The following TENM2 variants were observed in gnomAD, a reference collection of about 807,000 sequenced individuals.
The protein encoded by TENM2 is teneurin-2.
A neutral mutation model predicts 245.2 loss-of-function variants in TENM2; 52 were observed. The ratio of observed to expected loss-of-function variants is 0.21; its 90% CI spans 0.17 to 0.27. TENM2 has a LOEUF of 0.27. Ranked by LOEUF, TENM2 falls within the 10% of genes least tolerant of loss-of-function variation. TENM2 has a pLI of 1.00. For missense variants in TENM2, 3,046 were observed against 3,666.8 expected (o/e 0.83, Z 4.37); for synonymous variants, 1,363 against 1,438.9 (o/e 0.95, Z 1.19).
intron 13 of TENM2, among the ~76,000 whole-genome samples, chr5:168,164,017 CA>C (rs1195314735): frequency 1.3e-5 from 2 of 152,116 alleles, no homozygotes; most frequent in Non-Finnish European, 2.9e-5. Context: ...GTATGAGGAG[CA>C]TGAGAATTTC....
chr5:168,115,492 CT>C (rs1795017857), intron 9 of TENM2, among the ~76,000 whole-genome samples: 1 of 151,674 alleles, frequency 6.6e-6, no homozygotes, highest in African/African-American at 2.4e-5. Context: ...AATTTTGCAC[CT>C]TACTTTCTAC....
rs568031700 is a variant in TENM2 at position 167,475,833 on chromosome 5, C to A, written c.502+100360C>A. On this transcript the variant is annotated intron_variant, in intron 2 of 28. Transcript: ENST00000518659. ...TCCCTGCAAAGGACATGAACTCATT[C>A]TTTGTTATGGCTGCATGGTATTCTA... 2.0e-5 allele frequency among the ~76,000 whole-genome samples: 3 copies of A among 152,046 alleles called. No individual in the cohort carries two copies. The South Asian group carries it at 6.2e-4, about 32-fold the overall frequency.
At chr5:167,386,978 C>G (rs976394506) in intron 2 of TENM2, among the ~76,000 whole-genome samples, 1 of 151,948 alleles carries the variant, frequency 6.6e-6, no homozygotes, top group African/African-American at 2.4e-5. Context: ...TTTGGTCTTG[C>G]TTTGGCTATG....
Position 168,244,481 on chromosome 5 carries a change from A to G in TENM2, c.5582A>G (p.Tyr1861Cys), listed in dbSNP as rs763079851. The G allele has an allele frequency of 2.5e-6, 4 of 1,605,476 alleles. No homozygotes were observed. The highest frequency in any genetic ancestry group is 2.6e-6 in the Non-Finnish European group (3 of 1,174,554). Residue 1861 changes from tyrosine to cysteine, a missense_variant, in exon 26 of 29, where the codon TAT (tyrosine) becomes TGT (cysteine). Tyr to Cys is a radical substitution (Grantham distance 194). Coordinates refer to ENST00000518659, the Ensembl canonical transcript of TENM2. This position sits in a 1 kb window ranked among gnomAD's most constrained non-coding sequence, Gnocchi z 4.9. ...CGAAATATTCGGACTGAAAAGATCT[A>G]TGATGACCACCGGAAGTTCACCCTG...
chr5:168,030,251 C>G (rs1787020415), intron 5 of TENM2, among the ~76,000 whole-genome samples: 1 of 145,444 alleles, frequency 6.9e-6, no homozygotes, highest in South Asian at 2.3e-4. Context: ...GCTTCTGACA[C>G]ACTACCTGTA....
At chr5:167,705,606 T>C (rs1236438433) in intron 2 of TENM2, among the ~76,000 whole-genome samples, 1 of 152,158 alleles carries the variant, frequency 6.6e-6, no homozygotes. Flanking sequence ...AGGATTATCA[T>C]AACACTCAAT....
At chr5:167,746,829 T>TGTGTGTGTGC (rs1386758060) in intron 2 of TENM2, among the ~76,000 whole-genome samples, 1 of 151,960 alleles carries the variant, frequency 6.6e-6, no homozygotes, top group Non-Finnish European at 1.5e-5. Flanking sequence ...TGTGCGTCTA[T>TGTGTGTGTGC]GTGTGTGTGC....
At chr5:167,772,654 A>G (rs1240415490) in intron 2 of TENM2, among the ~76,000 whole-genome samples, 1 of 152,146 alleles carries the variant, frequency 6.6e-6, no homozygotes, top group Non-Finnish European at 1.5e-5. Context: ...TTATAATACA[A>G]AAAGCACCCT....
chr5:167,034,438 G>C, the TENM2 span, among the ~76,000 whole-genome samples: 1 of 152,094 alleles, frequency 6.6e-6, no homozygotes, highest in African/African-American at 2.4e-5. Context: ...AGACCATCCC[G>C]GCTAAAACGG....
intron 2 of TENM2, among the ~76,000 whole-genome samples, chr5:167,421,824 C>T (rs1402971587): frequency 6.6e-6 from 1 of 151,968 alleles, no homozygotes; most frequent in Non-Finnish European, 1.5e-5. Context: ...ATGGAGTCTC[C>T]CTCTGTCGCC....
At chr5:167,682,498 T>C (rs1756799158) in intron 2 of TENM2, among the ~76,000 whole-genome samples, 1 of 152,124 alleles carries the variant, frequency 6.6e-6, no homozygotes, top group Non-Finnish European at 1.5e-5. Flanking sequence ...TTGTTATGGA[T>C]GCAATACTCT....
the TENM2 span, among the ~76,000 whole-genome samples, chr5:167,025,675 T>C: frequency 6.6e-6 from 1 of 152,144 alleles, no homozygotes; most frequent in Non-Finnish European, 1.5e-5. Flanking sequence ...CACCTTGAGT[T>C]TTATAGACAG....
In TENM2 at chr5:167,832,113, G is replaced by A. The variant is rs80074856; in HGVS notation, c.503-43873G>A. On this transcript the variant is annotated intron_variant, in intron 2 of 28. Coordinates refer to ENST00000518659, the Ensembl canonical transcript of TENM2. ...GACCAAATCCAATAACTAACTGTTT[G>A]TCAGGGCAGTAATAATGGTATTTGT... Among the ~76,000 whole-genome samples, 221 of 152,276 alleles carry A rather than the reference G, an allele frequency of 1.5e-3. 2 individuals carry two copies. The East Asian group carries it at 0.039, about 27-fold the overall frequency.
rs558843561 is a variant in TENM2 at position 167,400,836 on chromosome 5, A to T, written c.502+25363A>T. 2.0e-5 allele frequency among the ~76,000 whole-genome samples: 3 copies of T among 152,224 alleles called. No individual in the cohort carries two copies. In the East Asian group the frequency reaches 5.8e-4, roughly 29 times the overall value. On this transcript the variant is annotated intron_variant, in intron 2 of 28. Coordinates refer to ENST00000518659, the Ensembl canonical transcript of TENM2. ...CCATGCCATAAGCCACAAAATATTT[A>T]ATTAGGATGAAGAATGAGAAAATGC... is the stretch of plus-strand genomic sequence containing the variant.
chr5:167,329,725 T>C (rs1757322654), intron 1 of TENM2, among the ~76,000 whole-genome samples: 1 of 152,066 alleles, frequency 6.6e-6, no homozygotes, highest in Non-Finnish European at 1.5e-5. Context: ...ATGAGAAATG[T>C]TGAAGCTGAA....
chr5:168,240,675 T>C (rs771742521), intron 25 of TENM2, among the ~76,000 whole-genome samples: 31 of 151,678 alleles, frequency 2.0e-4, no homozygotes, highest in Admixed American at 1.2e-3. Flanking sequence ...CACTCAATGT[T>C]CAATAATTAA....
At chr5:168,264,122 T>A (rs1768439384), downstream of TENM2, 1 of 152,470 alleles carries the variant, frequency 6.6e-6, no homozygotes, top group South Asian at 2.1e-4. Context: ...GTTTAAATTG[T>A]TTATACATAA....
chr5:167,057,914 GT>G, the TENM2 span, among the ~76,000 whole-genome samples: 1 of 152,114 alleles, frequency 6.6e-6, no homozygotes, highest in Non-Finnish European at 1.5e-5. Flanking sequence ...TCCTGCTGGA[GT>G]TTTTAAATCT....
intron 23 of TENM2, among the ~76,000 whole-genome samples, chr5:168,225,624 C>T (rs1764099416): frequency 6.6e-6 from 1 of 151,894 alleles, no homozygotes; most frequent in Admixed American, 6.6e-5. Context: ...GGCCAGGCAT[C>T]GTGGTGCATG....
Sources: gnomAD v4.1 joint callset for allele counts (sites outside exome capture counted in the v4.1 genomes callset) on GRCh38, gnomAD v4.1.1 for gene constraint, Gnocchi (gnomAD v3.1) non-coding constraint, MANE v1.5 for transcripts, NCBI Gene and HGNC (gene_info 2026-07-23, HGNC 2026-07-21) for gene names.